Variants in PDE4B observed in about 807,000 individuals in gnomAD.
PDE4B encodes the protein phosphodiesterase 4B, also known as 3',5'-cyclic-AMP phosphodiesterase 4B.
A neutral mutation model predicts 82.2 loss-of-function variants in PDE4B; 20 were observed. The observed-to-expected ratio is 0.24, with a 90% CI of 0.17 to 0.35. PDE4B has a LOEUF of 0.35. Among genes scored for constraint, PDE4B ranks in the 10% least tolerant of loss-of-function variants. The pLI, the probability that PDE4B is intolerant of heterozygous loss-of-function variation, is 1.00. For missense variants in PDE4B, 655 were observed against 907.2 expected (o/e 0.72, Z 3.57); for synonymous variants, 320 against 318.9 (o/e 1.00, Z -0.04).
intron 3 of PDE4B, among the ~76,000 whole-genome samples, chr1:66,195,671 A>G (rs1013717064): frequency 6.6e-6 from 1 of 152,136 alleles, no homozygotes; most frequent in Non-Finnish European, 1.5e-5. Flanking sequence ...AATGGAAAAT[A>G]TATTACCTAG....
chr1:66,343,804 A>G (rs1307781643), intron 8 of PDE4B, among the ~76,000 whole-genome samples: 1 of 152,236 alleles, frequency 6.6e-6, no homozygotes, highest in African/African-American at 2.4e-5. Flanking sequence ...CTTTTAAAGA[A>G]TGCTGGCATG....
intron 3 of PDE4B, among the ~76,000 whole-genome samples, chr1:66,011,740 G>A (rs1652498676): frequency 6.6e-6 from 1 of 151,994 alleles, no homozygotes; most frequent in Admixed American, 6.6e-5. Context: ...TTGCCACTAG[G>A]ATATTGGCAG....
chr1:66,120,931 G>C (rs546155498), intron 3 of PDE4B, among the ~76,000 whole-genome samples: 1 of 152,246 alleles, frequency 6.6e-6, no homozygotes, highest in South Asian at 2.1e-4. Context: ...TGTTATATCA[G>C]AGTACATTAT....
chr1:65,950,004 T>G (rs1032184064), intron 3 of PDE4B, among the ~76,000 whole-genome samples: 2 of 152,090 alleles, frequency 1.3e-5, no homozygotes, highest in African/African-American at 4.8e-5. Flanking sequence ...TAATTTTGTT[T>G]TCTCTTGTTC....
At chr1:65,840,116 G>T (rs1646190028) in intron 1 of PDE4B, among the ~76,000 whole-genome samples, 1 of 152,102 alleles carries the variant, frequency 6.6e-6, no homozygotes, top group African/African-American at 2.4e-5. Context: ...CTATATTGTG[G>T]CATCTAACCA....
chr1:65,984,512 T>A (rs1251828428), intron 3 of PDE4B, among the ~76,000 whole-genome samples: 2 of 152,084 alleles, frequency 1.3e-5, no homozygotes, highest in East Asian at 3.9e-4. Flanking sequence ...GAGACAAAAA[T>A]AGTAACCAGG....
At chr1:66,348,221 C>A (rs1661555456) in intron 8 of PDE4B, among the ~76,000 whole-genome samples, 1 of 152,134 alleles carries the variant, frequency 6.6e-6, no homozygotes, top group Non-Finnish European at 1.5e-5. Flanking sequence ...TAAATATTAG[C>A]CGTTATACCT....
rs1188274708 is a variant in PDE4B at position 65,977,251 on chromosome 1, A to T, written c.281+58416A>T. ...GGGATTTCTGGGTCCCACTCCCCAG[A>T]GTTTCTGATTCAGTAGGTAGCAATA... On this transcript the variant is annotated intron_variant, in intron 3 of 16. Coordinates refer to ENST00000341517, the MANE Select transcript of PDE4B (RefSeq NM_002600.4). Among the ~76,000 whole-genome samples the T allele has an allele frequency of 2.0e-5, 3 of 152,208 alleles. No individual in the cohort carries two copies. In the South Asian group the frequency reaches 6.2e-4, roughly 32 times the overall value.
intron 1 of PDE4B, among the ~76,000 whole-genome samples, chr1:65,864,800 G>C (rs370064341): frequency 1.3e-5 from 2 of 152,140 alleles, no homozygotes; most frequent in Non-Finnish European, 2.9e-5. Context: ...AGTGTCTGTC[G>C]ACCCCTGTTG....
At chr1:66,099,334 T>A (rs186835783) in intron 3 of PDE4B, among the ~76,000 whole-genome samples, 104 of 152,284 alleles carry the variant, frequency 6.8e-4, no homozygotes, top group African/African-American at 2.4e-3. Flanking sequence ...CTCCATGGTG[T>A]ATATGTACCA....
intron 3 of PDE4B, among the ~76,000 whole-genome samples, chr1:66,182,945 G>A (rs143078918): frequency 5.3e-5 from 8 of 152,324 alleles, no homozygotes; most frequent in South Asian, 2.1e-4. Context: ...TGTGAATTGC[G>A]TAAGCCCTTC....
chr1:66,303,075 T>C (rs973072996), intron 7 of PDE4B, among the ~76,000 whole-genome samples: 6 of 152,152 alleles, frequency 3.9e-5, no homozygotes, highest in African/African-American at 1.4e-4. Context: ...ATTTAGGCAC[T>C]AAGAATACTT....
chr1:65,923,184 C>T (rs1226718086), intron 3 of PDE4B, among the ~76,000 whole-genome samples: 1 of 152,198 alleles, frequency 6.6e-6, no homozygotes. Flanking sequence ...TCATCTTCCA[C>T]TGTAAAGGCT....
intron 7 of PDE4B, among the ~76,000 whole-genome samples, chr1:66,281,382 T>C (rs1656289469): frequency 6.6e-6 from 1 of 152,208 alleles, no homozygotes; most frequent in South Asian, 2.1e-4. Flanking sequence ...GTGGGAATTA[T>C]AGGAGAGGTT....
intron 7 of PDE4B, among the ~76,000 whole-genome samples, chr1:66,272,779 C>CTTTTTTTTTTT (rs869201227): frequency 6.5e-5 from 4 of 61,658 alleles, no homozygotes; most frequent in Non-Finnish European, 8.3e-5. Flanking sequence ...TACTAGAATT[C>CTTTTTTTTTTT]TTTTTTTTTT....
intron 3 of PDE4B, among the ~76,000 whole-genome samples, chr1:66,023,902 A>G (rs1373169545): frequency 4.6e-5 from 7 of 152,116 alleles, no homozygotes; most frequent in Non-Finnish European, 8.8e-5. Flanking sequence ...CTTCATTACT[A>G]TATGTGTCTC....
At chr1:66,360,654 C>T (rs1297531611) in intron 9 of PDE4B, 1 of 152,178 alleles carries the variant, frequency 6.6e-6, no homozygotes, top group Non-Finnish European at 1.5e-5. Context: ...CCACCAGCAT[C>T]CCTGTGGCCT....
At chr1:66,039,279 G>A (rs1172032916) in intron 3 of PDE4B, among the ~76,000 whole-genome samples, 2 of 152,006 alleles carry the variant, frequency 1.3e-5, no homozygotes, top group Admixed American at 6.6e-5. Flanking sequence ...AGCCTGTCTT[G>A]TTGCTTTTCT....
intron 3 of PDE4B, among the ~76,000 whole-genome samples, chr1:65,978,218 G>C (rs1047700195): frequency 6.7e-6 from 1 of 149,918 alleles, no homozygotes; most frequent in African/African-American, 2.4e-5. Context: ...AGTAGAGATG[G>C]GGTTTCACCA....
Sources: allele counts gnomAD v4.1 joint callset (sites outside exome capture counted in the v4.1 genomes callset), GRCh38; gene constraint gnomAD v4.1.1; transcripts MANE v1.5; gene names NCBI Gene and HGNC (gene_info 2026-07-23, HGNC 2026-07-21).